Variants in CLTRN observed in about 807,000 individuals in gnomAD.
CLTRN encodes the protein collectrin.
CLTRN carries 12 observed loss-of-function variants against 14.5 expected under a neutral mutation model. The ratio of observed to expected loss-of-function variants is 0.83; its 90% CI spans 0.53 to 1.34. The LOEUF is 1.34. Ranked by LOEUF, CLTRN falls within the 40% of genes most tolerant of loss-of-function variation. The probability of loss-of-function intolerance (pLI) is 0.00; values close to 1 mark genes in which losing one functional copy is unlikely to be tolerated. For missense variants in CLTRN, 154 were observed against 165.1 expected (o/e 0.93, Z 0.37); for synonymous variants, 58 against 56.5 (o/e 1.03, Z -0.12).
intron 5 of CLTRN, among the ~76,000 whole-genome samples, chrX:15,628,521 T>A (rs1928617117): frequency 8.9e-6 from 1 of 112,221 alleles, no homozygotes; most frequent in Non-Finnish European, 1.9e-5. Context: ...TTAAAATCCA[T>A]CTCTAGGAGA....
chrX:15,668,516 AT>A (rs780990806), upstream of CLTRN, among the ~76,000 whole-genome samples: 162 of 112,245 alleles, frequency 1.4e-3, 1 homozygote, highest in African/African-American at 5.0e-3. Context: ...TAGATAAAAC[AT>A]TTTTTTAATT....
At chrX:15,662,393 T>C (rs909850540) in intron 2 of CLTRN, among the ~76,000 whole-genome samples, 3 of 111,326 alleles carry the variant, frequency 2.7e-5, no homozygotes, top group Non-Finnish European at 3.8e-5. Context: ...CCGTCACTTA[T>C]ATTAGGAATG....
intron 3 of CLTRN, among the ~76,000 whole-genome samples, chrX:15,657,861 T>A (rs1929411878): frequency 8.9e-6 from 1 of 112,078 alleles, no homozygotes; most frequent in Admixed American, 9.5e-5. Flanking sequence ...AAAACATATA[T>A]TTAAAATATA....
chrX:15,637,616 T>G (rs1399906860), intron 5 of CLTRN, among the ~76,000 whole-genome samples: 1 of 111,814 alleles, frequency 8.9e-6, no homozygotes, highest in African/African-American at 3.3e-5. Context: ...ATTATTATAT[T>G]ACTGCAGAAT....
intron 3 of CLTRN, among the ~76,000 whole-genome samples, chrX:15,654,169 G>A (rs992535522): frequency 8.9e-6 from 1 of 112,049 alleles, no homozygotes; most frequent in Non-Finnish European, 1.9e-5. Flanking sequence ...GCACAAGACC[G>A]TTAATCCCCT....
At chrX:15,658,578 A>T (rs1020951894) in intron 3 of CLTRN, among the ~76,000 whole-genome samples, 1 of 112,183 alleles carries the variant, frequency 8.9e-6, no homozygotes, top group African/African-American at 3.2e-5. Flanking sequence ...AAAACTATTA[A>T]AAGTCATATT....
At chrX:15,662,387 C>T (rs1929528598) in intron 2 of CLTRN, among the ~76,000 whole-genome samples, 1 of 111,157 alleles carries the variant, frequency 9.0e-6, no homozygotes. Flanking sequence ...CCATTTCCGT[C>T]ACTTATATTA....
At chrX:15,637,341 C>A (rs1227853312) in intron 5 of CLTRN, among the ~76,000 whole-genome samples, 1 of 111,772 alleles carries the variant, frequency 8.9e-6, no homozygotes, top group African/African-American at 3.3e-5. Flanking sequence ...TCAAACTGCA[C>A]CCTCTCCTCA....
upstream of CLTRN, among the ~76,000 whole-genome samples, chrX:15,665,398 CA>C (rs1929602029): frequency 8.9e-6 from 1 of 112,013 alleles, no homozygotes; most frequent in Non-Finnish European, 1.9e-5. Context: ...ATCTGGGTGA[CA>C]AAATAATCTG....
At chrX:15,642,563 C>T (rs1456855527) in intron 4 of CLTRN, among the ~76,000 whole-genome samples, 3 of 111,972 alleles carry the variant, frequency 2.7e-5, no homozygotes, top group Non-Finnish European at 3.8e-5. Flanking sequence ...TCACGTGCTT[C>T]CTGGACCTTC....
intron 1 of CLTRN, among the ~76,000 whole-genome samples, chrX:15,673,871 G>C (rs887070565): frequency 1.8e-5 from 2 of 112,363 alleles, no homozygotes. Flanking sequence ...AGAATTTATT[G>C]TGAAGGGAGC....
intron 3 of CLTRN, chrX:15,646,458 A>AACCCCCCCC: frequency 2.2e-5 from 5 of 228,790 alleles, no homozygotes; most frequent in Admixed American, 1.2e-4. Context: ...AAAACCGCGC[A>AACCCCCCCC]CCCACCCCCC....
At chrX:15,633,556 C>T (rs930594603) in intron 5 of CLTRN, among the ~76,000 whole-genome samples, 5 of 112,672 alleles carry the variant, frequency 4.4e-5, no homozygotes, top group South Asian at 3.6e-4. Context: ...TTGTTATATT[C>T]GCTATGACAT....
At chrX:15,632,447 G>A (rs577463102) in intron 5 of CLTRN, among the ~76,000 whole-genome samples, 6 of 111,217 alleles carry the variant, frequency 5.4e-5, no homozygotes, top group Admixed American at 2.9e-4. Context: ...GCGTGGTGGC[G>A]CATGCCTGTA....
intron 2 of CLTRN, among the ~76,000 whole-genome samples, chrX:15,660,210 G>C (rs923743978): frequency 9.0e-5 from 10 of 111,659 alleles, no homozygotes; most frequent in Non-Finnish European, 1.1e-4. Context: ...AAAAATAAAT[G>C]ACTCCTAAAT....
At chrX:15,665,281 G>A (rs1929598397), upstream of CLTRN, among the ~76,000 whole-genome samples, 1 of 112,045 alleles carries the variant, frequency 8.9e-6, no homozygotes, top group Non-Finnish European at 1.9e-5. Context: ...TCACCACAGC[G>A]GGTGAACATC....
intron 1 of CLTRN, among the ~76,000 whole-genome samples, chrX:15,673,643 T>C (rs190082299): frequency 8.0e-5 from 9 of 112,622 alleles, no homozygotes; most frequent in Admixed American, 7.5e-4. Context: ...TCTTTTACTC[T>C]GTGCTCCTTG....
upstream of CLTRN, among the ~76,000 whole-genome samples, chrX:15,667,490 A>C (rs750981221): frequency 1.8e-5 from 2 of 112,447 alleles, no homozygotes; most frequent in Admixed American, 1.9e-4. Flanking sequence ...AATTCTTTTT[A>C]GAAAATACAA....
chrX:15,636,286 G>A (rs1928817867), intron 5 of CLTRN, among the ~76,000 whole-genome samples: 2 of 112,029 alleles, frequency 1.8e-5, no homozygotes, highest in Non-Finnish European at 3.8e-5. Context: ...GCCAAGGTAT[G>A]GAATCAACCT....
Sources: allele counts gnomAD v4.1 joint callset (sites outside exome capture counted in the v4.1 genomes callset), GRCh38; gene constraint gnomAD v4.1.1; transcripts MANE v1.5; gene names NCBI Gene and HGNC (gene_info 2026-07-23, HGNC 2026-07-21).